The following DOCK4 variants were observed in gnomAD, a reference collection of about 807,000 sequenced individuals.
DOCK4 encodes dedicator of cytokinesis protein 4.
DOCK4 carries 97 observed loss-of-function variants against 268.1 expected under a neutral mutation model. That is an observed-to-expected ratio of 0.36 (90% confidence interval 0.31 to 0.43). The LOEUF (loss-of-function observed/expected upper bound fraction) is 0.43, where lower values mean the gene tolerates loss of function less well. Ranked by LOEUF, DOCK4 falls within the 20% of genes least tolerant of loss-of-function variation. DOCK4 has a pLI of 1.00. For synonymous variants in DOCK4, 954 were observed against 887.2 expected, an observed-to-expected ratio of 1.08 and a Z score of -1.34; for missense variants, 2,145 against 2,455.7, an observed-to-expected ratio of 0.87 and a Z score of 2.67.
intron 1 of DOCK4, among the ~76,000 whole-genome samples, chr7:112,168,702 G>A (rs140699608): frequency 6.6e-6 from 1 of 152,118 alleles, no homozygotes; most frequent in South Asian, 2.1e-4. Context: ...GACAGAGTGA[G>A]ACTCTGTCTC....
At chr7:112,024,538 A>G (rs1321595044) in intron 1 of DOCK4, among the ~76,000 whole-genome samples, 2 of 152,072 alleles carry the variant, frequency 1.3e-5, no homozygotes, top group African/African-American at 4.8e-5. Flanking sequence ...CAACCCATCA[A>G]CAAATACTGT....
chr7:112,028,057 T>G (rs1356858249), intron 1 of DOCK4, among the ~76,000 whole-genome samples: 1 of 152,134 alleles, frequency 6.6e-6, no homozygotes, highest in South Asian at 2.1e-4. Flanking sequence ...GCCCTGAACT[T>G]GAGTTTTAAA....
intron 41 of DOCK4, among the ~76,000 whole-genome samples, chr7:111,756,075 A>G (rs548969862): frequency 1.0e-3 from 154 of 152,338 alleles, no homozygotes; most frequent in Admixed American, 4.7e-3. Context: ...ACAGCCGGGC[A>G]CGGTGGCTCA....
At position 111,913,770 on chromosome 7, in the gene DOCK4, T is replaced by TACTCAGG. The variant is rs1308144792; in HGVS notation, c.1192+2002_1192+2008dup. 4.0e-5 allele frequency among the ~76,000 whole-genome samples: 6 copies of TACTCAGG among 151,226 alleles called. No individual in the cohort carries two copies. The South Asian group carries it at 1.3e-3, about 32-fold the overall frequency. ...GGTGGTATATGCTTGTAGTCCTAGC[T>TACTCAGG]ACTCAGGAGGCTGAGGTGGGAGGAT... On this transcript the variant is annotated intron_variant, in intron 13 of 52. Coordinates refer to ENST00000428084, the MANE Select transcript of DOCK4 (RefSeq NM_001363540.2).
intron 1 of DOCK4, among the ~76,000 whole-genome samples, chr7:112,120,658 T>C (rs1812649805): frequency 6.6e-6 from 1 of 152,142 alleles, no homozygotes; most frequent in South Asian, 2.1e-4. Flanking sequence ...TAAATAGAGA[T>C]ATATACACAT....
intron 36 of DOCK4, among the ~76,000 whole-genome samples, chr7:111,776,851 G>T (rs779888022): frequency 1.3e-5 from 2 of 151,868 alleles, no homozygotes; most frequent in East Asian, 3.9e-4. Flanking sequence ...GACAGGGTCG[G>T]GCTCTGTCTT....
chr7:111,739,347 T>G, intron 48 of DOCK4, 49 bp downstream of exon 48: 1 of 1,595,146 alleles, frequency 6.3e-7, no homozygotes, highest in Non-Finnish European at 8.6e-7. Context: ...TTCCCAGGAC[T>G]AGAAGGTTCT....
intron 1 of DOCK4, among the ~76,000 whole-genome samples, chr7:112,115,100 G>A (rs924685013): frequency 6.6e-6 from 1 of 152,034 alleles, no homozygotes; most frequent in African/African-American, 2.4e-5. Context: ...CTCCCAGCTG[G>A]GCATTTGCCC....
chr7:111,918,028 T>C (rs1792764529), intron 12 of DOCK4, among the ~76,000 whole-genome samples: 1 of 152,160 alleles, frequency 6.6e-6, no homozygotes, highest in Non-Finnish European at 1.5e-5. Context: ...TTTTGGTTGG[T>C]TTGCTTGTTT....
intron 1 of DOCK4, among the ~76,000 whole-genome samples, chr7:112,006,548 C>A (rs17159136): frequency 1.3e-5 from 2 of 152,158 alleles, no homozygotes; most frequent in Admixed American, 6.5e-5. Flanking sequence ...TATTCAGCTA[C>A]GTAATATGTA....
At chr7:111,957,474 G>A (rs1796534030) in intron 8 of DOCK4, among the ~76,000 whole-genome samples, 1 of 152,068 alleles carries the variant, frequency 6.6e-6, no homozygotes, top group African/African-American at 2.4e-5. Flanking sequence ...AATCCTTAGA[G>A]GTATACTATA....
chr7:112,032,742 A>G (rs1803390184), intron 1 of DOCK4, among the ~76,000 whole-genome samples: 1 of 152,138 alleles, frequency 6.6e-6, no homozygotes, highest in Non-Finnish European at 1.5e-5. Context: ...AAAGCCCCAC[A>G]CTTGCCTTAA....
At chr7:112,094,841 C>T (rs1277364840) in intron 1 of DOCK4, among the ~76,000 whole-genome samples, 1 of 151,998 alleles carries the variant, frequency 6.6e-6, no homozygotes, top group African/African-American at 2.4e-5. Context: ...ATGTATGGTA[C>T]CTCCCTGACC....
intron 1 of DOCK4, among the ~76,000 whole-genome samples, chr7:112,010,656 C>T (rs1030191721): frequency 6.6e-6 from 1 of 152,190 alleles, no homozygotes; most frequent in Non-Finnish European, 1.5e-5. Context: ...CCTCACACAC[C>T]TTGCAGGCTC....
At chr7:112,100,024 C>T (rs1810528880) in intron 1 of DOCK4, among the ~76,000 whole-genome samples, 1 of 152,110 alleles carries the variant, frequency 6.6e-6, no homozygotes, top group African/African-American at 2.4e-5. Flanking sequence ...TACAATCATA[C>T]CTTTATTTTT....
At chr7:111,917,502 A>G (rs536079836) in intron 12 of DOCK4, among the ~76,000 whole-genome samples, 7 of 151,996 alleles carry the variant, frequency 4.6e-5, no homozygotes, top group African/African-American at 1.2e-4. Context: ...TCATGAGGTC[A>G]GGAGATCAAG....
chr7:111,901,946 G>A, intron 13 of DOCK4, 145 bp from the exon 14 acceptor site: 2 of 615,726 alleles, frequency 3.2e-6, no homozygotes, highest in Middle Eastern at 4.3e-4. Flanking sequence ...TTATAAAAGT[G>A]TCCTCACCCT....
chr7:111,953,137 G>A (rs553165960), intron 8 of DOCK4, among the ~76,000 whole-genome samples: 1 of 151,956 alleles, frequency 6.6e-6, no homozygotes, highest in East Asian at 1.9e-4. Flanking sequence ...ACAGGTGGGA[G>A]GATCACTTGA....
At chr7:112,147,475 G>A (rs1179828064) in intron 1 of DOCK4, among the ~76,000 whole-genome samples, 1 of 152,124 alleles carries the variant, frequency 6.6e-6, no homozygotes, top group Admixed American at 6.5e-5. Flanking sequence ...GGGCTTAACA[G>A]AGTCAACATT....
Sources: gnomAD v4.1 joint callset for allele counts (sites outside exome capture counted in the v4.1 genomes callset) on GRCh38, gnomAD v4.1.1 for gene constraint, MANE v1.5 for transcripts, NCBI Gene and HGNC (gene_info 2026-07-23, HGNC 2026-07-21) for gene names.